The following TMEM161B variants were observed in gnomAD, a reference collection of about 807,000 sequenced individuals.
TMEM161B encodes transmembrane protein 161B.
In TMEM161B, 34 loss-of-function variants were observed where a neutral mutation model predicts 61.8. The ratio of observed to expected loss-of-function variants is 0.55; its 90% CI spans 0.42 to 0.73. The LOEUF is 0.73. TMEM161B is among the 30% of genes least tolerant of loss of function. The pLI, the probability that TMEM161B is intolerant of heterozygous loss-of-function variation, is 0.00. For missense variants in TMEM161B, 456 were observed against 558.5 expected (o/e 0.82, Z 1.85); for synonymous variants, 167 against 192.8 (o/e 0.87, Z 1.11).
chr5:88,254,831 C>T (rs1375052323), intron 1 of TMEM161B, among the ~76,000 whole-genome samples: 4 of 150,624 alleles, frequency 2.7e-5, no homozygotes. Flanking sequence ...AAGTGAGACC[C>T]TCTGTAACTG....
At chr5:88,238,352 A>G (rs1752200605) in intron 2 of TMEM161B, among the ~76,000 whole-genome samples, 1 of 152,064 alleles carries the variant, frequency 6.6e-6, no homozygotes, top group African/African-American at 2.4e-5. Flanking sequence ...CAAAAAAAAA[A>G]GAACATTTAT....
In TMEM161B at chr5:88,197,742, A is replaced by G. The variant is rs769481529; in HGVS notation, c.1113T>C (p.Leu371=). The change falls in exon 11 of 12, where the codon CTT becomes CTC. Residue 371 remains leucine (L), a synonymous_variant. Transcript: ENST00000296595. ...QKMVARVFYY[L]CVIALQYVAP... is the part of the protein sequence containing the mutation. ...CCACATACTGCAGTGCAATGACACAAAGATAATAAAAGACTCGAGCCACCT... is the reference window on the plus strand; with the variant it reads ...CCACATACTGCAGTGCAATGACACAGAGATAATAAAAGACTCGAGCCACCT... 1.9e-6 allele frequency: 3 copies of G among 1,612,682 alleles called. No homozygotes were observed. Among genetic ancestry groups the G allele is most frequent in the South Asian group, 2.2e-5 (2 of 90,970 alleles).
intron 4 of TMEM161B, among the ~76,000 whole-genome samples, chr5:88,222,621 C>A (rs942027142): frequency 7.9e-5 from 12 of 152,290 alleles, no homozygotes; most frequent in African/African-American, 2.6e-4. Flanking sequence ...CCTACCCATA[C>A]TCATAGGGAC....
chr5:88,196,544 T>A (rs922921949), intron 11 of TMEM161B, 56 bp from the exon 12 acceptor site: 1 of 1,487,582 alleles, frequency 6.7e-7, no homozygotes, highest in Non-Finnish European at 8.9e-7. Context: ...CCAAGCTTTT[T>A]ATTAAAAAAA....
At chr5:88,200,824 A>G (rs1026340574) in intron 9 of TMEM161B, 3 of 152,022 alleles carry the variant, frequency 2.0e-5, no homozygotes, top group Admixed American at 6.6e-5. Context: ...GACTCTGTTT[A>G]CCATATTTTA....
intron 5 of TMEM161B, among the ~76,000 whole-genome samples, chr5:88,216,977 A>G (rs1356345831): frequency 6.6e-6 from 1 of 152,236 alleles, no homozygotes; most frequent in Non-Finnish European, 1.5e-5. Context: ...AGTCAGTAAG[A>G]AGAAAGCCAA....
chr5:88,194,327 T>C (rs1374939965), downstream of TMEM161B, among the ~76,000 whole-genome samples: 1 of 152,180 alleles, frequency 6.6e-6, no homozygotes, highest in African/African-American at 2.4e-5. Flanking sequence ...CATAGTTTCA[T>C]TCTTTTTTTA....
chr5:88,262,621 T>C (rs1315400033), intron 1 of TMEM161B, among the ~76,000 whole-genome samples: 1 of 152,160 alleles, frequency 6.6e-6, no homozygotes, highest in Non-Finnish European at 1.5e-5. Context: ...TAAATGCATA[T>C]TCTTAAGTGA....
chr5:88,186,903 AAACAACAACAAC>A (rs34811188), downstream of TMEM161B, among the ~76,000 whole-genome samples: 1 of 150,800 alleles, frequency 6.6e-6, no homozygotes, highest in Non-Finnish European at 1.5e-5. Flanking sequence ...ACTCTGTCTC[AAACAACAACAAC>A]AACAACAACA....
At chr5:88,213,658 T>C (rs1747287146) in intron 5 of TMEM161B, among the ~76,000 whole-genome samples, 2 of 152,122 alleles carry the variant, frequency 1.3e-5, no homozygotes, top group Admixed American at 6.6e-5. Flanking sequence ...AAGAGCAAAG[T>C]CAGACTCAAT....
intron 1 of TMEM161B, among the ~76,000 whole-genome samples, chr5:88,253,836 T>C (rs1754648358): frequency 1.3e-5 from 2 of 152,036 alleles, no homozygotes; most frequent in Non-Finnish European, 2.9e-5. Context: ...ATTAAAACTT[T>C]TAGAGAAAAA....
intron 5 of TMEM161B, among the ~76,000 whole-genome samples, chr5:88,212,397 G>A (rs1369123217): frequency 2.0e-5 from 3 of 152,154 alleles, no homozygotes; most frequent in Non-Finnish European, 2.9e-5. Context: ...TCCTCAGGAG[G>A]AAGTATTTTA....
intron 4 of TMEM161B, among the ~76,000 whole-genome samples, chr5:88,223,138 T>TG (rs1011778058): frequency 6.6e-6 from 1 of 151,648 alleles, no homozygotes; most frequent in African/African-American, 2.4e-5. Flanking sequence ...TTCATTTTTT[T>TG]TTTTTAGTTC....
intron 8 of TMEM161B, among the ~76,000 whole-genome samples, chr5:88,204,296 G>A (rs1745021224): frequency 6.6e-6 from 1 of 152,074 alleles, no homozygotes; most frequent in East Asian, 1.9e-4. Flanking sequence ...ACAACACAAT[G>A]AGGGGCTGCA....
intron 1 of TMEM161B, among the ~76,000 whole-genome samples, chr5:88,252,776 G>C (rs1291080202): frequency 2.0e-5 from 3 of 152,188 alleles, no homozygotes; most frequent in African/African-American, 7.2e-5. Flanking sequence ...ATAGGCTTTT[G>C]CTAATACATA....
downstream of TMEM161B, among the ~76,000 whole-genome samples, chr5:88,188,727 C>A (rs566884376): frequency 1.2e-3 from 179 of 152,316 alleles, 2 homozygotes; most frequent in African/African-American, 4.1e-3. Context: ...AAGAGCTGAG[C>A]TCCCCGAAGA....
intron 1 of TMEM161B, among the ~76,000 whole-genome samples, chr5:88,247,937 A>C (rs1441235790): frequency 6.6e-6 from 1 of 152,182 alleles, no homozygotes; most frequent in African/African-American, 2.4e-5. Flanking sequence ...ACAATTGTAA[A>C]GGTACTGCAA....
chr5:88,209,839 T>C (rs1173853608), intron 5 of TMEM161B, among the ~76,000 whole-genome samples: 2 of 123,150 alleles, frequency 1.6e-5, no homozygotes, highest in African/African-American at 6.3e-5. Flanking sequence ...CTACACTGTC[T>C]TGGATCATAA....
chr5:88,198,321 T>C (rs1226830149), intron 10 of TMEM161B: 1 of 152,082 alleles, frequency 6.6e-6, no homozygotes, highest in Non-Finnish European at 1.5e-5. Context: ...TGGTTGGGCG[T>C]GGTGACTCAC....
Sources: gnomAD v4.1 joint callset for allele counts (sites outside exome capture counted in the v4.1 genomes callset) on GRCh38, gnomAD v4.1.1 for gene constraint, MANE v1.5 for transcripts, NCBI Gene and HGNC (gene_info 2026-07-23, HGNC 2026-07-21) for gene names.